The following TPTE2 variants were observed in gnomAD, a reference collection of about 807,000 sequenced individuals.
The protein encoded by TPTE2 is phosphatidylinositol 3,4,5-trisphosphate 3-phosphatase TPTE2.
In TPTE2, 53 loss-of-function variants were observed where a neutral mutation model predicts 78.6. The observed-to-expected ratio is 0.67, with a 90% CI of 0.54 to 0.85. The LOEUF (loss-of-function observed/expected upper bound fraction) is 0.85. Ranked by LOEUF, TPTE2 falls within the 40% of genes least tolerant of loss-of-function variation. The probability of loss-of-function intolerance (pLI) is 0.00; values close to 1 mark genes in which losing one functional copy is unlikely to be tolerated. For missense variants in TPTE2, 461 were observed against 623.0 expected, an observed-to-expected ratio of 0.74 and a Z score of 2.77; for synonymous variants, 175 against 206.2, an observed-to-expected ratio of 0.85 and a Z score of 1.30.
intron 10 of TPTE2, among the ~76,000 whole-genome samples, chr13:19,453,833 C>T (rs781009733): frequency 1.3e-4 from 20 of 152,114 alleles, no homozygotes; most frequent in Non-Finnish European, 1.9e-4. Flanking sequence ...TAATTGTATA[C>T]CTGATTTTTC....
Position 19,437,979 on chromosome 13 carries a change from C to G in TPTE2, c.1035+113G>C, listed in dbSNP as rs1281793783. On this transcript the variant is annotated intron_variant, in intron 14 of 19. Coordinates refer to ENST00000400230, the Ensembl canonical transcript of TPTE2. ...TTTCTAAAAACTGCTTCTCTAATTA[C>G]AATTTTACTAAGCACCATGACTCAA... is the stretch of plus-strand genomic sequence containing the variant. The G allele has an allele frequency of 4.2e-6, 6 of 1,439,014 alleles. No individual in the cohort carries two copies. The African/African-American group carries it at 8.6e-5, about 21-fold the overall frequency. 89.1% of individuals were successfully genotyped at this position (1,439,014 alleles called of 1,614,324 possible). A position where few individuals can be genotyped will look rare whatever the true frequency, so the allele number is the denominator to read the frequency against.
chr13:19,454,173 TC>T (rs1395586583), intron 10 of TPTE2, among the ~76,000 whole-genome samples: 3 of 152,210 alleles, frequency 2.0e-5, no homozygotes, highest in Middle Eastern at 3.2e-3. Flanking sequence ...CTGACACTTC[TC>T]CACTAGCAAA....
chr13:19,442,034 A>G (rs1877532641), intron 13 of TPTE2, among the ~76,000 whole-genome samples: 1 of 152,158 alleles, frequency 6.6e-6, no homozygotes, highest in Non-Finnish European at 1.5e-5. Flanking sequence ...TTAAAATTCA[A>G]TGGAACGAAA....
chr13:19,538,048 G>A (rs912668855), upstream of TPTE2, among the ~76,000 whole-genome samples: 1 of 152,168 alleles, frequency 6.6e-6, no homozygotes, highest in Non-Finnish European at 1.5e-5. Context: ...GTGATTATAT[G>A]TGAATATTTC....
intron 15 of TPTE2, among the ~76,000 whole-genome samples, chr13:19,434,128 A>C (rs2137483564): frequency 6.6e-6 from 1 of 152,328 alleles, no homozygotes; most frequent in Admixed American, 6.5e-5. Context: ...ATTATGAGAA[A>C]AGGGTGGAAA....
chr13:19,493,621 C>T (rs1294732509), intron 1 of TPTE2, 120 bp from the exon 5 acceptor site: 1 of 884,886 alleles, frequency 1.1e-6, no homozygotes, highest in South Asian at 1.3e-5. Context: ...TTCATGTATA[C>T]AGCACTATTG....
rs2446452 is a variant in TPTE2 at position 19,535,808 on chromosome 13, G to A, written c.-44+788C>T. Among the ~76,000 whole-genome samples, 2,535 of 151,984 alleles carry A rather than the reference G, an allele frequency of 0.017. 70 individuals are homozygous for A. Among genetic ancestry groups the A allele is most frequent in the African/African-American group, 0.057 (2,358 of 41,412 alleles). ...CTGCCATCATGCCCAGCTATTTTTT[G>A]TATTTTTAGTAGAGATGAGGTTTCA... is the stretch of plus-strand genomic sequence containing the variant. On this transcript the variant is annotated intron_variant, in intron 1 of 17. Coordinates refer to the TPTE2 transcript ENST00000390680. The surrounding 1 kb of genome is among the most constrained non-coding windows in gnomAD (Gnocchi z 5.1).
At chr13:19,497,751 C>T (rs1881474341) in intron 1 of TPTE2, among the ~76,000 whole-genome samples, 1 of 151,574 alleles carries the variant, frequency 6.6e-6, no homozygotes, top group South Asian at 2.1e-4. Flanking sequence ...GCCTCTCCTC[C>T]TCCAAAGGAA....
At chr13:19,544,645 C>G in the TPTE2 span, among the ~76,000 whole-genome samples, 5 of 152,084 alleles carry the variant, frequency 3.3e-5, no homozygotes, top group South Asian at 1.0e-3. Flanking sequence ...CCTGTAATTC[C>G]AGGAATTTGG....
chr13:19,537,400 A>T (rs960267180), upstream of TPTE2, among the ~76,000 whole-genome samples: 1 of 145,842 alleles, frequency 6.9e-6, no homozygotes, highest in Non-Finnish European at 1.5e-5. Flanking sequence ...TGCCCAGCTA[A>T]ATTTTTATTT....
At chr13:19,518,936 C>A (rs1869976407) in intron 1 of TPTE2, among the ~76,000 whole-genome samples, 1 of 152,160 alleles carries the variant, frequency 6.6e-6, no homozygotes, top group South Asian at 2.1e-4. Flanking sequence ...GGTAGGAACA[C>A]TTCAATGGTA....
intron 1 of TPTE2, among the ~76,000 whole-genome samples, chr13:19,521,655 G>A (rs1870159656): frequency 6.6e-6 from 1 of 151,650 alleles, no homozygotes; most frequent in Admixed American, 6.6e-5. Context: ...ACGTTTTTGA[G>A]TTGTTTTCTT....
chr13:19,515,027 C>T, intron 1 of TPTE2, among the ~76,000 whole-genome samples: 1 of 152,040 alleles, frequency 6.6e-6, no homozygotes, highest in Non-Finnish European at 1.5e-5. Context: ...AGCATTTTGC[C>T]AATATTGGTT....
the TPTE2 span, chr13:19,561,006 C>A: frequency 1.3e-6 from 2 of 1,577,814 alleles, no homozygotes; most frequent in Non-Finnish European, 1.7e-6. Context: ...CCGGAGGCCA[C>A]GTCCCCACAG....
At chr13:19,506,298 A>T (rs1869029713), upstream of TPTE2, among the ~76,000 whole-genome samples, 1 of 144,218 alleles carries the variant, frequency 6.9e-6, no homozygotes, top group African/African-American at 2.6e-5. Context: ...CAGCCTCCCA[A>T]GTAGCTGGGA....
At chr13:19,517,213 T>C (rs1295141405) in intron 1 of TPTE2, among the ~76,000 whole-genome samples, 1 of 152,222 alleles carries the variant, frequency 6.6e-6, no homozygotes, top group Non-Finnish European at 1.5e-5. Flanking sequence ...TTTGTGTTAT[T>C]GGTACAACAT....
Position 19,486,233 on chromosome 13 carries a change from T to C in TPTE2, c.120-3686A>G, listed in dbSNP as rs1483110653. On this transcript the variant is annotated intron_variant, in intron 3 of 19. Coordinates refer to ENST00000400230, the Ensembl canonical transcript of TPTE2. The surrounding 1 kb of genome is among the most constrained non-coding windows in gnomAD (Gnocchi z 4.3). ...GGGGTATACTGGCCTTGGTTCTACA[T>C]GGATGCAGTAAGTGTAGTCTCCATG... is the stretch of plus-strand genomic sequence containing the variant. Among the ~76,000 whole-genome samples, 2 of 152,194 alleles carry C rather than the reference T, an allele frequency of 1.3e-5. No homozygotes were observed. Among genetic ancestry groups the C allele is most frequent in the African/African-American group, 4.8e-5 (2 of 41,446 alleles).
At chr13:19,561,550 C>G in the TPTE2 span, among the ~76,000 whole-genome samples, 442 of 152,282 alleles carry the variant, frequency 2.9e-3, no homozygotes, top group Non-Finnish European at 3.6e-3. Flanking sequence ...AAGTTCTTCC[C>G]GGCCGTTGCG....
the TPTE2 span, among the ~76,000 whole-genome samples, chr13:19,553,270 A>G: frequency 1.3e-5 from 2 of 152,224 alleles, no homozygotes; most frequent in Non-Finnish European, 2.9e-5. Flanking sequence ...ACATGTTTCA[A>G]TAACTTATTT....
Sources: allele counts gnomAD v4.1 joint callset (sites outside exome capture counted in the v4.1 genomes callset), GRCh38; gene constraint gnomAD v4.1.1; non-coding constraint Gnocchi (gnomAD v3.1); transcripts MANE v1.5; gene names NCBI Gene and HGNC (gene_info 2026-07-23, HGNC 2026-07-21).